Variants in CCSER1 observed in about 807,000 individuals in gnomAD.
CCSER1 encodes the protein coiled-coil serine rich protein 1, also known as serine-rich coiled-coil domain-containing protein 1.
In CCSER1, 41 loss-of-function variants were observed where a neutral mutation model predicts 82.0. The ratio of observed to expected loss-of-function variants is 0.50; its 90% CI spans 0.39 to 0.65. The LOEUF (loss-of-function observed/expected upper bound fraction) is 0.65, where lower values mean the gene tolerates loss of function less well. CCSER1 is among the 30% of genes least tolerant of loss of function. The pLI is 0.00. For synonymous variants in CCSER1, 414 were observed against 383.9 expected (o/e 1.08, Z -0.92); for missense variants, 1,119 against 1,064.2 (o/e 1.05, Z -0.72).
At chr4:90,514,918 C>T (rs1022738565) in intron 5 of CCSER1, among the ~76,000 whole-genome samples, 5 of 148,786 alleles carry the variant, frequency 3.4e-5, no homozygotes, top group South Asian at 2.1e-4. Flanking sequence ...AGTGCAGTGG[C>T]GTGCTCTTGG....
At chr4:90,345,629 T>G (rs1742178748) in intron 3 of CCSER1, among the ~76,000 whole-genome samples, 1 of 152,028 alleles carries the variant, frequency 6.6e-6, no homozygotes, top group Admixed American at 6.6e-5. Context: ...ATATACTAAA[T>G]GAACAGACAA....
At chr4:91,555,754 T>G (rs534270458) in intron 10 of CCSER1, among the ~76,000 whole-genome samples, 1 of 151,350 alleles carries the variant, frequency 6.6e-6, no homozygotes, top group Non-Finnish European at 1.5e-5. Flanking sequence ...TTTATGTTTT[T>G]ACTTTTTTGC....
chr4:91,365,282 C>T (rs193249804), intron 10 of CCSER1, among the ~76,000 whole-genome samples: 5 of 152,238 alleles, frequency 3.3e-5, no homozygotes, highest in Admixed American at 3.3e-4. Context: ...TGCATACAAA[C>T]TTACTCATTT....
chr4:90,705,217 T>C (rs1227507678), intron 6 of CCSER1, among the ~76,000 whole-genome samples: 2 of 152,226 alleles, frequency 1.3e-5, no homozygotes, highest in Non-Finnish European at 2.9e-5. Flanking sequence ...TGCAGGTCTG[T>C]TGGAGTTTGC....
intron 1 of CCSER1, among the ~76,000 whole-genome samples, chr4:90,268,324 AAAT>A (rs1361806791): frequency 6.6e-6 from 1 of 152,214 alleles, no homozygotes; most frequent in East Asian, 1.9e-4. Flanking sequence ...AAACAATCAA[AAAT>A]AATAACTACA....
chr4:90,462,716 A>T (rs1763108868), intron 4 of CCSER1, among the ~76,000 whole-genome samples: 1 of 152,216 alleles, frequency 6.6e-6, no homozygotes, highest in African/African-American at 2.4e-5. Context: ...ACCAGACTCC[A>T]GCTTGGGCGA....
At chr4:90,911,439 A>C in intron 8 of CCSER1, 1 of 404,880 alleles carries the variant, frequency 2.5e-6, no homozygotes, top group South Asian at 1.8e-5. Context: ...ATCATTAAGC[A>C]ATCCCTATGA....
intron 5 of CCSER1, among the ~76,000 whole-genome samples, chr4:90,591,436 G>C (rs892503844): frequency 2.0e-5 from 3 of 152,100 alleles, no homozygotes; most frequent in Non-Finnish European, 4.4e-5. Context: ...ATGAAAAAAA[G>C]CTCACCATCA....
At chr4:91,250,568 A>G (rs1386175143) in intron 10 of CCSER1, among the ~76,000 whole-genome samples, 1 of 151,730 alleles carries the variant, frequency 6.6e-6, no homozygotes. Flanking sequence ...CATGCAAATT[A>G]AAAAATATAT....
chr4:90,468,501 T>A (rs930061132), intron 5 of CCSER1, 147 bp downstream of exon 5: 1 of 629,766 alleles, frequency 1.6e-6, no homozygotes, highest in Non-Finnish European at 2.5e-6. Context: ...TTCTATATTA[T>A]CTTAATGAAT....
chr4:91,529,071 T>C (rs906022833), intron 10 of CCSER1, among the ~76,000 whole-genome samples: 3 of 152,150 alleles, frequency 2.0e-5, no homozygotes, highest in African/African-American at 7.2e-5. Flanking sequence ...TTTGCTAATA[T>C]CACAGGTTTT....
chr4:90,308,497 C>G lies in CCSER1; in HGVS notation c.213C>G (p.His71Gln), dbSNP rs920755572. 2 of 1,613,752 alleles carry G rather than the reference C, an allele frequency of 1.2e-6. No homozygotes were observed. Among genetic ancestry groups the G allele is most frequent in the Admixed American group, 3.3e-5 (2 of 59,970 alleles). Reference sequence around the variant, plus strand: ...TCCGTACTCCTTCCATTAGCTTCCACCATAAGAAGGGGAGTGAGCCTAAGC... The same window carrying G: ...TCCGTACTCCTTCCATTAGCTTCCAGCATAAGAAGGGGAGTGAGCCTAAGC... ...SIFRTPSISFHHKKGSEPKQE... is the reference protein window; with the variant it reads ...SIFRTPSISFQHKKGSEPKQE... Residue 71 changes from histidine to glutamine, a missense_variant, in exon 2 of 11, where the codon CAC becomes CAG. Transcript: ENST00000509176.
At chr4:90,337,520 A>G (rs976686979) in intron 3 of CCSER1, among the ~76,000 whole-genome samples, 1 of 152,208 alleles carries the variant, frequency 6.6e-6, no homozygotes, top group African/African-American at 2.4e-5. Flanking sequence ...AAAATCCCTT[A>G]AAGTTAGACA....
At chr4:90,978,502 G>T (rs1735810513) in intron 9 of CCSER1, among the ~76,000 whole-genome samples, 1 of 150,740 alleles carries the variant, frequency 6.6e-6, no homozygotes, top group South Asian at 2.1e-4. Context: ...CATTAAATCT[G>T]CAGTTAATTA....
At chr4:90,802,001 C>T (rs916018205) in intron 7 of CCSER1, among the ~76,000 whole-genome samples, 28 of 151,964 alleles carry the variant, frequency 1.8e-4, no homozygotes, top group African/African-American at 6.7e-4. Context: ...GGGTGGATCA[C>T]GAGGTCAGTA....
At chr4:90,682,979 A>G (rs190722037) in intron 6 of CCSER1, 2 of 152,276 alleles carry the variant, frequency 1.3e-5, no homozygotes, top group African/African-American at 4.8e-5. Context: ...ATGGGTGAAA[A>G]ACATGATTGA....
chr4:91,152,240 G>C (rs1352877358), intron 10 of CCSER1, among the ~76,000 whole-genome samples: 1 of 152,062 alleles, frequency 6.6e-6, no homozygotes, highest in Non-Finnish European at 1.5e-5. Flanking sequence ...AGCCTCCCTT[G>C]TCTCTTTTGA....
chr4:91,300,835 A>G (rs1320990311), intron 10 of CCSER1, among the ~76,000 whole-genome samples: 1 of 151,936 alleles, frequency 6.6e-6, no homozygotes, highest in Non-Finnish European at 1.5e-5. Context: ...CTAGGTTAGC[A>G]TTAAGCCTCT....
chr4:91,143,089 C>T (rs6858431), intron 10 of CCSER1, among the ~76,000 whole-genome samples: 109,333 of 151,748 alleles, frequency 0.72, 39,722 homozygotes, highest in Non-Finnish European at 0.78. Flanking sequence ...ATTTTAAGGA[C>T]ATTGATTCTT....
Sources: gnomAD v4.1 joint callset for allele counts (sites outside exome capture counted in the v4.1 genomes callset) on GRCh38, gnomAD v4.1.1 for gene constraint, MANE v1.5 for transcripts, NCBI Gene and HGNC (gene_info 2026-07-23, HGNC 2026-07-21) for gene names.